ERBB4: variants seen among roughly 807,000 people sequenced by gnomAD.
ERBB4 encodes the protein receptor tyrosine-protein kinase erbB-4.
A neutral mutation model predicts 158.0 loss-of-function variants in ERBB4; 42 were observed. The observed-to-expected ratio is 0.27, with a 90% CI of 0.21 to 0.34. The LOEUF is 0.34. Ranked by LOEUF, ERBB4 falls within the 10% of genes least tolerant of loss-of-function variation. The pLI is 1.00. For synonymous variants in ERBB4, 583 were observed against 558.7 expected, an observed-to-expected ratio of 1.04 and a Z score of -0.61; for missense variants, 1,333 against 1,624.1, an observed-to-expected ratio of 0.82 and a Z score of 3.08.
intron 3 of ERBB4, among the ~76,000 whole-genome samples, chr2:211,900,594 G>A (rs1010454401): frequency 2.0e-5 from 3 of 151,986 alleles, no homozygotes; most frequent in East Asian, 1.9e-4. Flanking sequence ...AAGTAATTAC[G>A]CTTTAGTAAA....
chr2:212,049,419 C>A (rs1035371853), intron 2 of ERBB4, among the ~76,000 whole-genome samples: 1 of 151,974 alleles, frequency 6.6e-6, no homozygotes, highest in Non-Finnish European at 1.5e-5. Context: ...GGTGTGCACG[C>A]CTGATTCTTG....
At chr2:212,530,557 G>A (rs1263286997) in intron 1 of ERBB4, among the ~76,000 whole-genome samples, 1 of 152,050 alleles carries the variant, frequency 6.6e-6, no homozygotes, top group Non-Finnish European at 1.5e-5. Flanking sequence ...TCCTGAAATA[G>A]AAGACTGTGC....
chr2:212,234,049 A>G (rs1473470078), intron 1 of ERBB4, among the ~76,000 whole-genome samples: 4 of 151,576 alleles, frequency 2.6e-5, no homozygotes, highest in Non-Finnish European at 5.9e-5. Flanking sequence ...GGTTTGTTAC[A>G]TAGGTATACA....
intron 1 of ERBB4, among the ~76,000 whole-genome samples, chr2:212,512,041 T>TA (rs1007818168): frequency 2.6e-5 from 4 of 152,202 alleles, no homozygotes; most frequent in Non-Finnish European, 5.9e-5. Context: ...ATCAGAATTC[T>TA]ATCCCATTTT....
chr2:212,240,041 C>T (rs2084025356), intron 1 of ERBB4, among the ~76,000 whole-genome samples: 1 of 152,154 alleles, frequency 6.6e-6, no homozygotes, highest in African/African-American at 2.4e-5. Flanking sequence ...TATGGTTAGA[C>T]ACCTGAGTCA....
intron 2 of ERBB4, among the ~76,000 whole-genome samples, chr2:211,997,983 G>C (rs887962703): frequency 6.6e-6 from 1 of 151,378 alleles, no homozygotes; most frequent in Admixed American, 6.6e-5. Context: ...AAAGTACTGA[G>C]AAATTACAGA....
intron 19 of ERBB4, among the ~76,000 whole-genome samples, chr2:211,575,646 A>C (rs2067867442): frequency 6.6e-6 from 1 of 152,154 alleles, no homozygotes; most frequent in Non-Finnish European, 1.5e-5. Context: ...TGTAAGAATA[A>C]TCTCAGTTAA....
intron 20 of ERBB4, among the ~76,000 whole-genome samples, chr2:211,493,701 A>G (rs2065402681): frequency 6.6e-6 from 1 of 152,166 alleles, no homozygotes; most frequent in African/African-American, 2.4e-5. Context: ...TTACAATTAA[A>G]TCTTAAGAAA....
intron 14 of ERBB4, among the ~76,000 whole-genome samples, chr2:211,665,682 T>A (rs147506608): frequency 1.3e-5 from 2 of 152,320 alleles, no homozygotes; most frequent in East Asian, 3.9e-4. Flanking sequence ...TCAGTTTTGA[T>A]ATCCTGTATG....
chr2:211,623,301 C>T (rs987609276), intron 18 of ERBB4, among the ~76,000 whole-genome samples: 2 of 151,608 alleles, frequency 1.3e-5, no homozygotes, highest in Admixed American at 6.6e-5. Context: ...TCCTATCTGA[C>T]CTCAATTTTG....
intron 2 of ERBB4, among the ~76,000 whole-genome samples, chr2:212,103,283 A>C (rs1370060040): frequency 1.3e-5 from 2 of 152,064 alleles, no homozygotes; most frequent in Non-Finnish European, 2.9e-5. Flanking sequence ...GTCTTCCTTC[A>C]CTTTCTAGGC....
intron 25 of ERBB4, among the ~76,000 whole-genome samples, chr2:211,415,336 G>A (rs1291175429): frequency 1.3e-5 from 2 of 151,526 alleles, no homozygotes; most frequent in Non-Finnish European, 3.0e-5. Context: ...AGCCAGGATG[G>A]TCTCGATCTC....
At chr2:211,632,993 C>T (rs2070204577) in intron 16 of ERBB4, among the ~76,000 whole-genome samples, 1 of 152,020 alleles carries the variant, frequency 6.6e-6, no homozygotes, top group African/African-American at 2.4e-5. Flanking sequence ...TGCCTATTCC[C>T]ACAGAATTTA....
At chr2:212,148,833 C>T (rs1229382219) in intron 1 of ERBB4, among the ~76,000 whole-genome samples, 2 of 143,686 alleles carry the variant, frequency 1.4e-5, no homozygotes, top group Non-Finnish European at 3.0e-5. Context: ...TACTATGCAG[C>T]CATAAAAAAT....
rs1449509954 is a variant in ERBB4 at position 212,444,704 on chromosome 2, G to T, written c.82+93745C>A. 2.0e-5 allele frequency among the ~76,000 whole-genome samples: 3 copies of T among 152,108 alleles called. No individual in the cohort carries two copies. In the East Asian group the frequency reaches 5.8e-4, roughly 29 times the overall value. ...TGGCAGGGATGGAGGTTATGCATGG[G>T]CTCAACAACATGGATTTCCACTCAC... is the stretch of plus-strand genomic sequence containing the variant. On this transcript the variant is annotated intron_variant, in intron 1 of 27. Transcript: ENST00000342788.
chr2:212,399,958 T>C, intron 1 of ERBB4, among the ~76,000 whole-genome samples: 1 of 152,026 alleles, frequency 6.6e-6, no homozygotes, highest in Admixed American at 6.6e-5. Flanking sequence ...CAGAGTGCTT[T>C]GAGAGTCTAT....
intron 12 of ERBB4, among the ~76,000 whole-genome samples, chr2:211,680,979 G>T (rs2072311319): frequency 1.3e-5 from 2 of 152,084 alleles, no homozygotes; most frequent in Admixed American, 6.5e-5. Context: ...ATCTCCAAAT[G>T]ATTCCTCATG....
At chr2:212,053,219 C>T (rs557428308) in intron 2 of ERBB4, among the ~76,000 whole-genome samples, 4 of 152,312 alleles carry the variant, frequency 2.6e-5, no homozygotes, top group Admixed American at 6.5e-5. Flanking sequence ...TATCATTTCC[C>T]TCTTCAAATC....
At chr2:211,775,874 G>GT (rs1559508542) in intron 4 of ERBB4, among the ~76,000 whole-genome samples, 3 of 152,214 alleles carry the variant, frequency 2.0e-5, no homozygotes, top group East Asian at 1.9e-4. Flanking sequence ...TTGACCTAAC[G>GT]TTTTTTATGT....
Sources: gnomAD v4.1 joint callset for allele counts (sites outside exome capture counted in the v4.1 genomes callset) on GRCh38, gnomAD v4.1.1 for gene constraint, MANE v1.5 for transcripts, NCBI Gene and HGNC (gene_info 2026-07-23, HGNC 2026-07-21) for gene names.